The following ZDHHC7 variants were observed in gnomAD, a reference collection of about 807,000 sequenced individuals.
ZDHHC7 encodes the protein palmitoyltransferase ZDHHC7.
Under a neutral mutation model 34.1 loss-of-function variants are expected in ZDHHC7, and 12 were observed. That is an observed-to-expected ratio of 0.35 (90% confidence interval 0.23 to 0.57). The LOEUF (loss-of-function observed/expected upper bound fraction) is 0.57, where lower values mean the gene tolerates loss of function less well. Ranked by LOEUF, ZDHHC7 falls within the 20% of genes least tolerant of loss-of-function variation. The probability of loss-of-function intolerance (pLI) is 0.84; values close to 1 mark genes in which losing one functional copy is unlikely to be tolerated. For synonymous variants in ZDHHC7, 185 were observed against 155.4 expected, an observed-to-expected ratio of 1.19 and a Z score of -1.42; for missense variants, 388 against 402.7, an observed-to-expected ratio of 0.96 and a Z score of 0.31.
At chr16:85,022,366 C>CA in the ZDHHC7 span, among the ~76,000 whole-genome samples, 5 of 150,580 alleles carry the variant, frequency 3.3e-5, no homozygotes, top group Admixed American at 1.3e-4. Flanking sequence ...ACTAAAAATA[C>CA]AAAAAAAATT....
intron 6 of ZDHHC7, among the ~76,000 whole-genome samples, chr16:84,977,594 T>C (rs903974291): frequency 3.3e-5 from 5 of 152,250 alleles, no homozygotes; most frequent in Non-Finnish European, 7.3e-5. Flanking sequence ...GGGATGAGCC[T>C]GTCCAGACCT....
rs182632394 is a variant in ZDHHC7 at position 85,006,499 on chromosome 16, A to G, written c.-104+4787T>C. Reference sequence around the variant, plus strand: ...GAGGCTGAGGTGGGCAGATCATTTGATCTCAGGAGTTCAAGACCAGCCTGA... The same window carrying G: ...GAGGCTGAGGTGGGCAGATCATTTGGTCTCAGGAGTTCAAGACCAGCCTGA... On this transcript the variant is annotated intron_variant, in intron 1 of 7. Coordinates refer to ENST00000313732, the MANE Select transcript of ZDHHC7 (RefSeq NM_017740.3). 1.2e-3 allele frequency among the ~76,000 whole-genome samples: 180 copies of G among 152,268 alleles called. 1 individual carries two copies. Among genetic ancestry groups the G allele is most frequent in the African/African-American group, 3.2e-3 (133 of 41,562 alleles).
chr16:84,990,558 C>G lies in ZDHHC7; in HGVS notation c.61G>C (p.Asp21His). Residue 21 changes from aspartate (D) to histidine (H), a missense_variant, in exon 3 of 8, where the codon GAC becomes CAC. Physicochemically the swap from Asp to His is moderately conservative, Grantham distance 81. Coordinates refer to ENST00000313732, the MANE Select transcript of ZDHHC7 (RefSeq NM_017740.3). ...VEHHPLLAEN[D>H]NYDSSSSSSS... The stretch of plus-strand genomic sequence containing the variant: ...GAGGACGATGAAGAGTCATAGTTGT[C>G]ATTTTCAGCCAGGAGAGGATGATGC... The G allele has an allele frequency of 6.2e-7, 1 of 1,614,150 alleles. No individual in the cohort carries two copies. The highest frequency in any genetic ancestry group is 8.5e-7 in the Non-Finnish European group (1 of 1,180,024).
intron 1 of ZDHHC7, among the ~76,000 whole-genome samples, chr16:85,004,217 T>C (rs577580134): frequency 3.3e-5 from 5 of 150,974 alleles, no homozygotes; most frequent in Non-Finnish European, 7.4e-5. Flanking sequence ...CCGCCCTTCA[T>C]GTATCTCATT....
At chr16:85,016,515 GC>G (rs767118391), upstream of ZDHHC7, among the ~76,000 whole-genome samples, 75 of 152,076 alleles carry the variant, frequency 4.9e-4, no homozygotes, top group Non-Finnish European at 9.7e-4. Flanking sequence ...GAGTGCAGTA[GC>G]CCTGTTATAA....
chr16:84,998,624 C>T (rs978716794), intron 1 of ZDHHC7, among the ~76,000 whole-genome samples: 5 of 152,144 alleles, frequency 3.3e-5, no homozygotes, highest in African/African-American at 1.2e-4. Flanking sequence ...GTCCCTGTGC[C>T]CATCACACCG....
At chr16:84,988,942 C>A in intron 3 of ZDHHC7, 1 of 1,483,816 alleles carries the variant, frequency 6.7e-7, no homozygotes, top group South Asian at 1.2e-5. Context: ...TCTCCTTTGT[C>A]GAAGTGCCTG....
chr16:85,015,366 G>C (rs2072829827), upstream of ZDHHC7, among the ~76,000 whole-genome samples: 1 of 152,078 alleles, frequency 6.6e-6, no homozygotes, highest in African/African-American at 2.4e-5. Context: ...TTCCCAAAGT[G>C]CTGGGATTAC....
chr16:85,026,099 C>A, the ZDHHC7 span, among the ~76,000 whole-genome samples: 1 of 152,186 alleles, frequency 6.6e-6, no homozygotes. Flanking sequence ...TGATATTCCC[C>A]TAAAACAGAA....
intron 3 of ZDHHC7, among the ~76,000 whole-genome samples, chr16:84,983,871 G>T (rs2143588630): frequency 6.6e-6 from 1 of 151,182 alleles, no homozygotes; most frequent in African/African-American, 2.4e-5. Flanking sequence ...GTGGTGGCCT[G>T]CGCTTGTAAT....
At chr16:84,994,918 G>A (rs2072556743) in intron 2 of ZDHHC7, among the ~76,000 whole-genome samples, 1 of 152,182 alleles carries the variant, frequency 6.6e-6, no homozygotes, top group African/African-American at 2.4e-5. Flanking sequence ...TCGTGTCTCT[G>A]AGTCACTGTA....
chr16:85,000,186 G>C (rs2072635300), intron 1 of ZDHHC7, among the ~76,000 whole-genome samples: 1 of 152,080 alleles, frequency 6.6e-6, no homozygotes, highest in South Asian at 2.1e-4. Flanking sequence ...CATTAATCAT[G>C]CCTCAATTAA....
At chr16:84,988,219 G>A (rs886783748) in intron 3 of ZDHHC7, among the ~76,000 whole-genome samples, 38 of 152,096 alleles carry the variant, frequency 2.5e-4, no homozygotes, top group Admixed American at 7.9e-4. Context: ...CAGCAGATGA[G>A]TGGTTGCCAG....
intron 5 of ZDHHC7, 142 bp downstream of exon 5, chr16:84,979,047 A>AGCACAG: frequency 4.0e-6 from 3 of 749,366 alleles, no homozygotes; most frequent in Non-Finnish European, 6.2e-6. Context: ...TGCCAATGAC[A>AGCACAG]GCACAGTATT....
chr16:84,990,210 G>C (rs910567259), intron 3 of ZDHHC7, 94 bp downstream of exon 3: 2 of 1,401,994 alleles, frequency 1.4e-6, no homozygotes, highest in African/African-American at 2.9e-5. Flanking sequence ...ATGTCAATAT[G>C]TCCCTGTGCA....
chr16:85,024,203 G>T, the ZDHHC7 span, among the ~76,000 whole-genome samples: 9,019 of 147,282 alleles, frequency 0.061, 352 homozygotes, highest in East Asian at 0.19. Context: ...CAGGCATGAG[G>T]CCCCACACTT....
At chr16:85,007,098 G>T (rs28369286) in intron 1 of ZDHHC7, among the ~76,000 whole-genome samples, 25,323 of 151,050 alleles carry the variant, frequency 0.17, 2,253 homozygotes, top group Middle Eastern at 0.21. Flanking sequence ...TTGATTAGAG[G>T]ATTAATAGGA....
chr16:85,017,752 G>A, the ZDHHC7 span, among the ~76,000 whole-genome samples: 8 of 152,266 alleles, frequency 5.3e-5, no homozygotes, highest in East Asian at 7.7e-4. Context: ...TGACACTGTC[G>A]TGAGAAGGAA....
At position 84,975,757 on chromosome 16, in the gene ZDHHC7, A is replaced by T. The variant is rs1343115097; in HGVS notation, c.*586T>A. The T allele has an allele frequency of 6.4e-6, 1 of 155,222 alleles. No homozygotes were observed. Among genetic ancestry groups the T allele is most frequent in the Non-Finnish European group, 1.4e-5 (1 of 69,994 alleles). The allele number at this position is 155,222 out of a possible 1,614,324, so 9.6% of individuals were successfully genotyped here. On this transcript the variant is annotated 3_prime_UTR_variant, in exon 8 of 8. Coordinates refer to ENST00000313732, the MANE Select transcript of ZDHHC7 (RefSeq NM_017740.3). ...CACACGCACAGACACGCACACACACAGACTTGCTGAGAGGGTCAAAGGATG... is the reference window on the plus strand; with the variant it reads ...CACACGCACAGACACGCACACACACTGACTTGCTGAGAGGGTCAAAGGATG...
Sources: gnomAD v4.1 joint callset for allele counts (sites outside exome capture counted in the v4.1 genomes callset) on GRCh38, gnomAD v4.1.1 for gene constraint, MANE v1.5 for transcripts, NCBI Gene and HGNC (gene_info 2026-07-23, HGNC 2026-07-21) for gene names.